ERG: variants seen among roughly 807,000 people sequenced by gnomAD.
ERG encodes transcriptional regulator ERG.
Under a neutral mutation model 55.3 loss-of-function variants are expected in ERG, and 9 were observed. That is an observed-to-expected ratio of 0.16 (90% CI 0.10 to 0.28). The LOEUF (loss-of-function observed/expected upper bound fraction) is 0.28, where lower values mean the gene tolerates loss of function less well. Among genes scored for constraint, ERG ranks in the 10% least tolerant of loss-of-function variants. The pLI, the probability that ERG is intolerant of heterozygous loss-of-function variation, is 1.00. For synonymous variants in ERG, 223 were observed against 237.3 expected (o/e 0.94, Z 0.55); for missense variants, 434 against 631.6 (o/e 0.69, Z 3.35).
Position 38,381,168 on chromosome 21 carries a change from G to C in ERG, c.*2235C>G. 9.4e-7 allele frequency: 1 copy of C among 1,065,270 alleles called. No homozygotes were observed. Among genetic ancestry groups the C allele is most frequent in the South Asian group, 4.6e-5 (1 of 21,970 alleles). The allele number at this position is 1,065,270 out of a possible 1,614,324, so 66.0% of individuals were successfully genotyped here. A position where few individuals can be genotyped will look rare whatever the true frequency, so the allele number is the denominator to read the frequency against. On this transcript the variant is annotated 3_prime_UTR_variant, in exon 10 of 10. Coordinates refer to ENST00000288319, the MANE Select transcript of ERG (RefSeq NM_182918.4). ...ACTGCCAAAACATCCACAGCACAGA[G>C]GTTTGGCAACTTCACATAATCATAG...
At chr21:38,650,452 A>G (rs1264597723) in intron 1 of ERG, among the ~76,000 whole-genome samples, 1 of 152,184 alleles carries the variant, frequency 6.6e-6, no homozygotes, top group East Asian at 1.9e-4. Context: ...CCTGGGCAAC[A>G]TGGCGAAACC....
At chr21:38,442,262 C>T (rs578216545) in intron 2 of ERG, among the ~76,000 whole-genome samples, 10 of 152,112 alleles carry the variant, frequency 6.6e-5, no homozygotes, top group Non-Finnish European at 1.3e-4. Flanking sequence ...GGCATGGTGG[C>T]GGATGCCTGT....
At position 38,634,354 on chromosome 21, in the gene ERG, T is replaced by C. The variant is rs541743012; in HGVS notation, c.-150+27304A>G. Among the ~76,000 whole-genome samples, 540 of 152,294 alleles carry C rather than the reference T, an allele frequency of 3.5e-3. 1 individual carries two copies. The highest frequency in any genetic ancestry group is 6.2e-3 in the Non-Finnish European group (424 of 68,024). On this transcript the variant is annotated intron_variant, in intron 1 of 10. Coordinates refer to the ERG transcript ENST00000398910. ...GATGGAGGCATATTTGAGGTCGATA[T>C]GAGAAAGTTCACGCTCACAAACACA...
intron 1 of ERG, among the ~76,000 whole-genome samples, chr21:38,488,914 T>C (rs2059311694): frequency 1.3e-5 from 2 of 152,232 alleles, no homozygotes; most frequent in African/African-American, 4.8e-5. Context: ...ACTGTAATCA[T>C]TACTTTAGAA....
intron 2 of ERG, among the ~76,000 whole-genome samples, chr21:38,435,344 G>A (rs966858107): frequency 2.0e-5 from 3 of 152,146 alleles, no homozygotes; most frequent in Admixed American, 1.3e-4. Context: ...TGTCTGGAGC[G>A]CTGCAGGGTA....
chr21:38,580,835 T>G (rs1313336948), intron 1 of ERG, among the ~76,000 whole-genome samples: 1 of 152,090 alleles, frequency 6.6e-6, no homozygotes, highest in East Asian at 1.9e-4. Flanking sequence ...TATTGCAAAA[T>G]GGTTAAGAGA....
intron 2 of ERG, among the ~76,000 whole-genome samples, chr21:38,562,671 C>T (rs147019654): frequency 2.4e-4 from 36 of 152,326 alleles, no homozygotes; most frequent in African/African-American, 8.2e-4. Flanking sequence ...AACTTCTATC[C>T]TACTGAGCTC....
At chr21:38,551,811 T>A (rs983240796) in intron 2 of ERG, among the ~76,000 whole-genome samples, 6 of 152,164 alleles carry the variant, frequency 3.9e-5, no homozygotes, top group African/African-American at 1.4e-4. Context: ...AGAATGCATA[T>A]TGTGTCGTTG....
chr21:38,541,615 T>G (rs1009561991), intron 2 of ERG, among the ~76,000 whole-genome samples: 1 of 152,244 alleles, frequency 6.6e-6, no homozygotes, highest in Admixed American at 6.5e-5. Flanking sequence ...AATTATTTTG[T>G]GAGTGATTTA....
chr21:38,561,557 C>T (rs1174165993), intron 2 of ERG, among the ~76,000 whole-genome samples: 1 of 149,892 alleles, frequency 6.7e-6, no homozygotes, highest in South Asian at 2.1e-4. Context: ...TTGACTGTTA[C>T]TTTAGGCATA....
chr21:38,507,832 C>T (rs2059475209), intron 2 of ERG, among the ~76,000 whole-genome samples: 1 of 152,242 alleles, frequency 6.6e-6, no homozygotes, highest in South Asian at 2.1e-4. Flanking sequence ...CTGAACAGAA[C>T]GTGCCCAGCA....
At chr21:38,598,762 TG>T (rs1353348031) in intron 1 of ERG, among the ~76,000 whole-genome samples, 1 of 152,038 alleles carries the variant, frequency 6.6e-6, no homozygotes, top group Non-Finnish European at 1.5e-5. Context: ...GGGAGCAGGG[TG>T]GATGTGTAGA....
At chr21:38,524,599 T>G (rs1191920014) in intron 2 of ERG, among the ~76,000 whole-genome samples, 1 of 152,218 alleles carries the variant, frequency 6.6e-6, no homozygotes, top group Admixed American at 6.5e-5. Flanking sequence ...GGAAACATCA[T>G]TGCATGTTTA....
chr21:38,497,765 T>C (rs1387441794), intron 1 of ERG, among the ~76,000 whole-genome samples: 1 of 152,182 alleles, frequency 6.6e-6, no homozygotes, highest in Non-Finnish European at 1.5e-5. Flanking sequence ...AGGTATTTTA[T>C]TGAAGATAAA....
At chr21:38,622,225 G>A (rs564797814) in intron 1 of ERG, among the ~76,000 whole-genome samples, 9 of 152,294 alleles carry the variant, frequency 5.9e-5, no homozygotes, top group African/African-American at 2.2e-4. Flanking sequence ...ACGTGTAAAC[G>A]TAACTCACCA....
intron 2 of ERG, among the ~76,000 whole-genome samples, chr21:38,540,999 A>AGGCACTGGGGT (rs147264633): frequency 0.029 from 4,452 of 152,098 alleles, 140 homozygotes; most frequent in East Asian, 0.12. Flanking sequence ...GTGGCTGGGG[A>AGGCACTGGGGT]GGCACTGGGG....
chr21:38,549,588 C>T (rs1394911802), intron 2 of ERG, among the ~76,000 whole-genome samples: 1 of 152,182 alleles, frequency 6.6e-6, no homozygotes, highest in East Asian at 1.9e-4. Flanking sequence ...AGGTATGTAA[C>T]ATGCCAAAGT....
At chr21:38,372,912 T>C in the ERG span, among the ~76,000 whole-genome samples, 1 of 152,202 alleles carries the variant, frequency 6.6e-6, no homozygotes. Flanking sequence ...ATTTTCTTCT[T>C]GTTATAAAAT....
chr21:38,650,938 C>T (rs572929515), intron 1 of ERG, among the ~76,000 whole-genome samples: 1 of 152,336 alleles, frequency 6.6e-6, no homozygotes, highest in African/African-American at 2.4e-5. Flanking sequence ...TTTAAGAATG[C>T]CGTTCTTCAA....
Sources: gnomAD v4.1 joint callset for allele counts (sites outside exome capture counted in the v4.1 genomes callset) on GRCh38, gnomAD v4.1.1 for gene constraint, MANE v1.5 for transcripts, NCBI Gene and HGNC (gene_info 2026-07-23, HGNC 2026-07-21) for gene names.